Variants in ICA1 observed in about 807,000 individuals in gnomAD.
ICA1 encodes islet cell autoantigen 1.
Under a neutral mutation model 71.0 loss-of-function variants are expected in ICA1, and 40 were observed. The ratio of observed to expected loss-of-function variants is 0.56; its 90% CI spans 0.44 to 0.73. The LOEUF (loss-of-function observed/expected upper bound fraction) is 0.73, where lower values mean the gene tolerates loss of function less well. Ranked by LOEUF, ICA1 falls within the 30% of genes least tolerant of loss-of-function variation. The pLI, the probability that ICA1 is intolerant of heterozygous loss-of-function variation, is 0.00. For missense variants in ICA1, 578 were observed against 576.5 expected (o/e 1.00, Z -0.03); for synonymous variants, 207 against 209.5 (o/e 0.99, Z 0.10).
intron 3 of ICA1, among the ~76,000 whole-genome samples, chr7:8,229,356 C>G (rs1051067187): frequency 2.6e-5 from 4 of 152,190 alleles, no homozygotes; most frequent in Admixed American, 2.6e-4. Context: ...TGAGAAGAAT[C>G]TAACTTGATT....
At chr7:8,255,919 A>G in intron 1 of ICA1, among the ~76,000 whole-genome samples, 1 of 151,800 alleles carries the variant, frequency 6.6e-6, no homozygotes, top group African/African-American at 2.4e-5. Context: ...GACTACAGGC[A>G]CATACCACCA....
intron 13 of ICA1, chr7:8,114,994 C>T (rs1362555573): frequency 2.0e-5 from 3 of 152,080 alleles, no homozygotes; most frequent in South Asian, 4.1e-4. Context: ...GTTGGTAGGA[C>T]AAGTTGCTAA....
chr7:8,262,244 A>G (rs1170744116), upstream of ICA1: 1 of 151,930 alleles, frequency 6.6e-6, no homozygotes, highest in Non-Finnish European at 1.5e-5. Context: ...ACCAGCCGGA[A>G]TAGCAACCGG....
chr7:8,122,915 G>C (rs1787577117), intron 13 of ICA1, among the ~76,000 whole-genome samples: 1 of 152,182 alleles, frequency 6.6e-6, no homozygotes, highest in Non-Finnish European at 1.5e-5. Context: ...AATCTTTCTA[G>C]TATCAGTGTC....
chr7:8,144,105 G>T lies in ICA1; in HGVS notation c.805-133C>A. On this transcript the variant is annotated intron_variant, in intron 8 of 13. Coordinates refer to ENST00000402384, the MANE Select transcript of ICA1 (RefSeq NM_001136020.3). The surrounding 1 kb of genome is among the most constrained non-coding windows in gnomAD (Gnocchi z 4.5). Reference sequence around the variant, plus strand: ...CCCAGCAACCAAACTTTGAATTACAGGTATTGGGAGGTGACCTTGAACCAA... The same window carrying T: ...CCCAGCAACCAAACTTTGAATTACATGTATTGGGAGGTGACCTTGAACCAA... 1.6e-6 allele frequency: 1 copy of T among 617,534 alleles called. No homozygotes were observed. The highest frequency in any genetic ancestry group is 2.8e-6 in the Non-Finnish European group (1 of 352,398). 38.3% of individuals were successfully genotyped at this position (617,534 alleles called of 1,614,324 possible).
At chr7:8,134,454 G>A (rs187584733) in intron 12 of ICA1, among the ~76,000 whole-genome samples, 27 of 152,238 alleles carry the variant, frequency 1.8e-4, no homozygotes, top group Admixed American at 1.3e-3. Flanking sequence ...GACCGAAAAC[G>A]AGAGCACAGA....
intron 9 of ICA1, 64 bp downstream of exon 9, chr7:8,143,811 G>T: frequency 9.4e-7 from 1 of 1,066,734 alleles, no homozygotes; most frequent in Non-Finnish European, 1.4e-6. Context: ...GGTTCGGTCA[G>T]CGAGAACCAC....
chr7:8,242,018 G>C (rs1350930236), intron 1 of ICA1, among the ~76,000 whole-genome samples: 1 of 152,076 alleles, frequency 6.6e-6, no homozygotes, highest in African/African-American at 2.4e-5. Context: ...GAGACAGAAG[G>C]TTAACAAGGA....
intron 6 of ICA1, among the ~76,000 whole-genome samples, chr7:8,204,752 T>C (rs1790915882): frequency 6.6e-6 from 1 of 152,194 alleles, no homozygotes; most frequent in African/African-American, 2.4e-5. Context: ...TTAAAGTACG[T>C]TTTTCTTATT....
intron 6 of ICA1, among the ~76,000 whole-genome samples, chr7:8,211,322 C>G (rs1045886093): frequency 6.6e-6 from 1 of 152,156 alleles, no homozygotes; most frequent in Non-Finnish European, 1.5e-5. Flanking sequence ...CCTCCTGTGA[C>G]TCATGCCCTC....
chr7:8,199,930 A>G (rs560983639), intron 6 of ICA1, among the ~76,000 whole-genome samples: 2 of 152,276 alleles, frequency 1.3e-5, no homozygotes, highest in East Asian at 3.9e-4. Flanking sequence ...GGAAGTGGGA[A>G]GGGAAGTCGG....
chr7:8,254,508 C>T (rs1809357071), intron 1 of ICA1, among the ~76,000 whole-genome samples: 1 of 148,256 alleles, frequency 6.7e-6, no homozygotes, highest in African/African-American at 2.5e-5. Context: ...GCTGGGTCAT[C>T]TAGTTGGCGT....
chr7:8,142,990 A>G (rs920359957), intron 9 of ICA1, among the ~76,000 whole-genome samples: 2 of 152,242 alleles, frequency 1.3e-5, no homozygotes, highest in Non-Finnish European at 2.9e-5. Flanking sequence ...GACAAAAAAT[A>G]TATCTGAAAG....
chr7:8,182,629 T>C (rs1782560226), intron 6 of ICA1, among the ~76,000 whole-genome samples: 1 of 152,130 alleles, frequency 6.6e-6, no homozygotes, highest in African/African-American at 2.4e-5. Context: ...TTATTGTTGA[T>C]AAAACATAAA....
At chr7:8,141,892 A>G in intron 9 of ICA1, 75 bp from the exon 10 acceptor site, 1 of 1,344,944 alleles carries the variant, frequency 7.4e-7, no homozygotes, top group Non-Finnish European at 1.0e-6. Flanking sequence ...CTTTCAGTAC[A>G]ATATTACTTC....
chr7:8,214,843 C>A (rs1794906036), intron 6 of ICA1, among the ~76,000 whole-genome samples: 1 of 152,122 alleles, frequency 6.6e-6, no homozygotes, highest in Non-Finnish European at 1.5e-5. Context: ...TGAAAAAAGC[C>A]TTGGTTGGAA....
rs1328247181 is a variant in ICA1, at chr7:8,173,399, T to C, written c.580-14747A>G. Among the ~76,000 whole-genome samples the C allele has an allele frequency of 2.0e-5, 3 of 152,170 alleles. No individual in the cohort carries two copies. The highest frequency in any genetic ancestry group is 6.5e-5 in the Admixed American group (1 of 15,282). On this transcript the variant is annotated intron_variant, in intron 6 of 13. Transcript: ENST00000402384. This position sits in a 1 kb window ranked among gnomAD's most constrained non-coding sequence, Gnocchi z 4.0. The stretch of plus-strand genomic sequence containing the variant: ...AAAACACATCAAATATATCCAAATC[T>C]ATGAGTTCATAATAATACTTAAAAA...
At chr7:8,216,067 C>T (rs1048427078) in intron 6 of ICA1, among the ~76,000 whole-genome samples, 7 of 152,222 alleles carry the variant, frequency 4.6e-5, no homozygotes, top group African/African-American at 1.2e-4. Context: ...ACATTAATAA[C>T]GCAACTTCTT....
chr7:8,192,921 C>T (rs2058520), intron 6 of ICA1, among the ~76,000 whole-genome samples: 150,661 of 152,382 alleles, frequency 0.99, 74,486 homozygotes, highest in Middle Eastern at 1. Context: ...CCTTATTCTG[C>T]AGGTACTTTC....
Sources: allele counts gnomAD v4.1 joint callset (sites outside exome capture counted in the v4.1 genomes callset), GRCh38; gene constraint gnomAD v4.1.1; non-coding constraint Gnocchi (gnomAD v3.1); transcripts MANE v1.5; gene names NCBI Gene and HGNC (gene_info 2026-07-23, HGNC 2026-07-21).